CDH23: variants seen among roughly 807,000 people sequenced by gnomAD.
CDH23 encodes cadherin related 23.
Under a neutral mutation model 317.1 loss-of-function variants are expected in CDH23, and 189 were observed. The observed-to-expected ratio is 0.60, with a 90% confidence interval of 0.53 to 0.67. CDH23 has a LOEUF of 0.67. Among genes scored for constraint, CDH23 ranks in the 30% least tolerant of loss-of-function variants. CDH23 has a pLI of 0.00. For synonymous variants in CDH23, 1,839 were observed against 1,876.8 expected (o/e 0.98, Z 0.52); for missense variants, 4,401 against 4,592.4 (o/e 0.96, Z 1.20).
chr10:71,410,992 T>A (rs1333694083), intron 1 of CDH23, among the ~76,000 whole-genome samples: 2 of 152,256 alleles, frequency 1.3e-5, no homozygotes. Flanking sequence ...TATAAGTATT[T>A]GACTATCCTT....
chr10:71,615,052 C>G (rs1861107589), intron 9 of CDH23, among the ~76,000 whole-genome samples: 1 of 152,122 alleles, frequency 6.6e-6, no homozygotes, highest in South Asian at 2.1e-4. Context: ...ATATACTAGA[C>G]TAGACTAGAC....
chr10:71,689,422 C>T (rs1372901578), intron 19 of CDH23, among the ~76,000 whole-genome samples: 1 of 152,102 alleles, frequency 6.6e-6, no homozygotes, highest in African/African-American at 2.4e-5. Context: ...ACACCCCCAT[C>T]CCTGGGGACT....
At chr10:71,532,537 G>C (rs370227047) in intron 6 of CDH23, among the ~76,000 whole-genome samples, 2 of 152,082 alleles carry the variant, frequency 1.3e-5, no homozygotes, top group East Asian at 3.9e-4. Flanking sequence ...CACACCCCAC[G>C]GCAGAAGCCC....
chr10:71,662,499 G>A (rs1482308192), intron 14 of CDH23, among the ~76,000 whole-genome samples: 3 of 152,134 alleles, frequency 2.0e-5, no homozygotes, highest in Non-Finnish European at 4.4e-5. Flanking sequence ...GGGGACACTG[G>A]GAAGATGCTG....
rs146436893 is a variant in CDH23, at chr10:71,479,837, A to G, written c.146-30245A>G. Among the ~76,000 whole-genome samples, 539 of 152,250 alleles carry G rather than the reference A, an allele frequency of 3.5e-3. 4 individuals carry two copies. Among genetic ancestry groups the G allele is most frequent in the African/African-American group, 0.012 (515 of 41,554 alleles). Reference sequence around the variant, plus strand: ...GAGGCTGGGATGTGTGTGTGCATCCATAAGGGGACTGGATTTAGGGGCTCG... The same window carrying G: ...GAGGCTGGGATGTGTGTGTGCATCCGTAAGGGGACTGGATTTAGGGGCTCG... On this transcript the variant is annotated intron_variant, in intron 3 of 69. Transcript: ENST00000224721.
rs1853958135 is a variant in CDH23 at position 71,511,152 on chromosome 10, G to A, written c.369G>A (p.Gly123=). The part of the protein sequence containing the change: ...VITRKVNIQV[G]DVNDNAPTFH... ...CACGGAAGGTGAACATCCAGGTTGG[G>A]GATGTGAATGACAACGCGCCCACAT... is the stretch of plus-strand genomic sequence containing the variant. The change falls in exon 6 of 70, where the codon GGG becomes GGA. Residue 123 remains glycine, a synonymous_variant. Transcript: ENST00000224721. 6.2e-7 allele frequency: 1 copy of A among 1,613,644 alleles called. No homozygotes were observed. The highest frequency in any genetic ancestry group is 1.3e-5 in the African/African-American group (1 of 75,018).
Position 71,740,807 on chromosome 10 carries a change from C to T in CDH23, c.4489-15C>T. ...CACGCTTTAGCCCTGACTCCAGTTG[C>T]CCTCCTCCTTGCAGGTTGTGGCTTC... On this transcript the variant is annotated splice_polypyrimidine_tract_variant and intron_variant, in intron 36 of 69. Transcript: ENST00000224721. 1.2e-6 allele frequency: 2 copies of T among 1,613,676 alleles called. No homozygotes were observed. The highest frequency in any genetic ancestry group is 8.5e-7 in the Non-Finnish European group (1 of 1,179,834).
In CDH23 at chr10:71,725,444, G is replaced by C; in HGVS notation, c.3503G>C (p.Arg1168Pro). ...ATGCGAGGGCCCCGGCCCCTGGACC[G>C]GGAGCGGAACTCATCCCACGTGCTG... is the stretch of plus-strand genomic sequence containing the variant. ...LLMRGPRPLD[R>P]ERNSSHVLIV... The change falls in exon 30 of 70, where the codon CGG (arginine) becomes CCG (proline). Residue 1168 changes from arginine (R) to proline (P), a missense_variant. By Grantham distance (103) the Arg-to-Pro change is moderately radical (BLOSUM62 -2). Coordinates refer to ENST00000224721, the MANE Select transcript of CDH23 (RefSeq NM_022124.6). The C allele has an allele frequency of 6.2e-7, 1 of 1,614,006 alleles. No homozygotes were observed. The highest frequency in any genetic ancestry group is 1.3e-5 in the African/African-American group (1 of 75,060).
chr10:71,599,651 A>G (rs74147372), intron 9 of CDH23, among the ~76,000 whole-genome samples: 8,674 of 152,254 alleles, frequency 0.057, 313 homozygotes, highest in South Asian at 0.15. Flanking sequence ...GAAATTTTCC[A>G]TAGTAAAACT....
chr10:71,783,166 G>A (rs560791720), intron 41 of CDH23, among the ~76,000 whole-genome samples: 11 of 152,298 alleles, frequency 7.2e-5, no homozygotes, highest in East Asian at 3.9e-4. Context: ...GGGGGAATGC[G>A]GAGAGGTGGC....
chr10:71,813,765 G>A (rs1842023125), intron 69 of CDH23, among the ~76,000 whole-genome samples: 1 of 152,066 alleles, frequency 6.6e-6, no homozygotes, highest in South Asian at 2.1e-4. Context: ...AAAATTAGCC[G>A]GGCCTGGTGG....
intron 28 of CDH23, among the ~76,000 whole-genome samples, chr10:71,723,404 C>T (rs1165565639): frequency 7.2e-5 from 11 of 152,042 alleles, no homozygotes; most frequent in Admixed American, 3.3e-4. Flanking sequence ...GTGACAACAA[C>T]GTCCCCCCCC....
At chr10:71,742,078 T>C in intron 38 of CDH23, 157 bp downstream of exon 38, 1 of 691,236 alleles carries the variant, frequency 1.4e-6, no homozygotes, top group Admixed American at 2.9e-5. Context: ...CTGCCCAAGA[T>C]GGCCTCCCCT....
At chr10:71,574,428 G>T (rs186196675) in intron 8 of CDH23, among the ~76,000 whole-genome samples, 3 of 152,054 alleles carry the variant, frequency 2.0e-5, no homozygotes, top group South Asian at 4.2e-4. Context: ...TCAGCCTTTC[G>T]ACTGGAATTG....
intron 14 of CDH23, among the ~76,000 whole-genome samples, chr10:71,667,204 G>A (rs747892668): frequency 2.0e-5 from 3 of 152,188 alleles, no homozygotes; most frequent in Admixed American, 6.5e-5. Flanking sequence ...GAGTGTGGGC[G>A]CTGGTGAGGA....
intron 14 of CDH23, among the ~76,000 whole-genome samples, chr10:71,661,831 GC>G (rs1202394321): frequency 1.6e-5 from 1 of 64,166 alleles, no homozygotes; most frequent in African/African-American, 6.3e-5. Flanking sequence ...CCCACCCTGC[GC>G]CCCCTCCCAC....
chr10:71,648,850 C>G (rs1206192905), intron 14 of CDH23, among the ~76,000 whole-genome samples: 1 of 152,174 alleles, frequency 6.6e-6, no homozygotes, highest in African/African-American at 2.4e-5. Flanking sequence ...TCTCAAGCTC[C>G]CAGCCCCAGG....
In CDH23 at chr10:71,799,217, T is replaced by G. The variant is rs727504990; in HGVS notation, c.7161T>G (p.Pro2387=). 1.2e-6 allele frequency: 2 copies of G among 1,613,966 alleles called. No homozygotes were observed. The highest frequency in any genetic ancestry group is 1.3e-5 in the African/African-American group (1 of 74,950). The change falls in exon 51 of 70, where the codon CCT becomes CCG. Residue 2387 remains proline (P), a synonymous_variant. Transcript: ENST00000224721. ...NGSPPRAAEI[P]VYLEIVDIND... ...CCCCGCCCCGGGCAGCTGAGATCCCTGTCTACCTGGAAATCGTGGACATCA... is the reference window on the plus strand; with the variant it reads ...CCCCGCCCCGGGCAGCTGAGATCCCGGTCTACCTGGAAATCGTGGACATCA...
chr10:71,537,844 T>TTA (rs781104476), intron 6 of CDH23, among the ~76,000 whole-genome samples: 78 of 152,340 alleles, frequency 5.1e-4, no homozygotes, highest in Middle Eastern at 6.8e-3. Context: ...GATGGTGTTA[T>TTA]TATCATCTTA....
Sources: gnomAD v4.1 joint callset for allele counts (sites outside exome capture counted in the v4.1 genomes callset) on GRCh38, gnomAD v4.1.1 for gene constraint, MANE v1.5 for transcripts, NCBI Gene and HGNC (gene_info 2026-07-23, HGNC 2026-07-21) for gene names.